Variants in ABI3BP observed in about 807,000 individuals in gnomAD.
ABI3BP encodes ABI family member 3 binding protein, also known as target of Nesh-SH3.
A neutral mutation model predicts 268.6 loss-of-function variants in ABI3BP; 216 were observed. The observed-to-expected ratio is 0.80, with a 90% CI of 0.72 to 0.90. The LOEUF (loss-of-function observed/expected upper bound fraction) is 0.90, where lower values mean the gene tolerates loss of function less well. ABI3BP is among the 40% of genes least tolerant of loss of function. The pLI is 0.00. For missense variants in ABI3BP, 2,090 were observed against 2,182.4 expected (o/e 0.96, Z 0.84); for synonymous variants, 730 against 730.0 (o/e 1.00, Z 0.00).
In ABI3BP at chr3:100,862,284, A is replaced by AT. The variant is rs112141221; in HGVS notation, c.1285+26dup. 23,619 of 1,506,526 alleles carry AT rather than the reference A, an allele frequency of 0.016. 1,840 individuals are homozygous for AT. The African/African-American group carries it at 0.17, about 11-fold the overall frequency. 93.3% of individuals were successfully genotyped at this position (1,506,526 alleles called of 1,614,324 possible). ...TACTCAATATTCCTTGTTATAATCG[A>AT]TTTTTTTAAGAAAAGGATTTAATTA... On this transcript the variant is annotated intron_variant, in intron 14 of 67. Transcript: ENST00000471714.
chr3:100,897,743 C>T (rs947937186), intron 4 of ABI3BP, among the ~76,000 whole-genome samples: 1 of 152,104 alleles, frequency 6.6e-6, no homozygotes, highest in Non-Finnish European at 1.5e-5. Flanking sequence ...TCAAACTGTA[C>T]ACTAATATTT....
At chr3:100,911,804 T>A (rs2056604969) in intron 2 of ABI3BP, 22 of 1,455,154 alleles carry the variant, frequency 1.5e-5, no homozygotes, top group Non-Finnish European at 2.0e-5. Flanking sequence ...GAAAAATAAG[T>A]TCTTGGTTTG....
intron 63 of ABI3BP, among the ~76,000 whole-genome samples, chr3:100,755,320 C>G (rs2095558971): frequency 6.6e-6 from 1 of 152,184 alleles, no homozygotes. Context: ...TATAGTTAGT[C>G]TGTTTAACTG....
intron 1 of ABI3BP, among the ~76,000 whole-genome samples, chr3:100,955,713 C>T (rs1393442138): frequency 1.3e-5 from 2 of 152,104 alleles, no homozygotes; most frequent in Non-Finnish European, 2.9e-5. Context: ...CTCTTAAAAT[C>T]ATTATAAAAA....
intron 33 of ABI3BP, 67 bp from the exon 34 acceptor site, chr3:100,828,519 C>T (rs561346759): frequency 7.2e-7 from 1 of 1,393,424 alleles, no homozygotes; most frequent in Non-Finnish European, 9.8e-7. Context: ...TCAGAACATT[C>T]AAAAAGAATT....
chr3:100,818,640 TA>T (rs2098123541), intron 40 of ABI3BP, 59 bp from the exon 41 acceptor site: 9 of 1,299,830 alleles, frequency 6.9e-6, no homozygotes, highest in Middle Eastern at 1.8e-4. Context: ...CTTTCCATTA[TA>T]ATACTGCTTC....
chr3:100,808,270 C>T, intron 49 of ABI3BP, 35 bp from the exon 50 acceptor site: 2 of 1,530,306 alleles, frequency 1.3e-6, no homozygotes, highest in Non-Finnish European at 1.8e-6. Context: ...AAATCTTGAG[C>T]CCTTCAAGAA....
At chr3:100,886,378 A>G in intron 4 of ABI3BP, 55 bp from the exon 5 acceptor site, 1 of 1,255,670 alleles carries the variant, frequency 8.0e-7, no homozygotes, top group East Asian at 2.9e-5. Context: ...TCAGAATGTT[A>G]TTTCAAATTT....
intron 13 of ABI3BP, 22 bp downstream of exon 13, chr3:100,862,816 A>T: frequency 6.7e-7 from 1 of 1,498,460 alleles, no homozygotes; most frequent in Non-Finnish European, 9.0e-7. Flanking sequence ...CCTTAATATT[A>T]AATTTAAGGT....
chr3:100,793,085 C>G (rs922645611), intron 54 of ABI3BP, among the ~76,000 whole-genome samples: 1 of 151,700 alleles, frequency 6.6e-6, no homozygotes, highest in Non-Finnish European at 1.5e-5. Flanking sequence ...CTAGTTGCCT[C>G]GATGTATTTA....
chr3:100,835,614 T>G lies in ABI3BP; in HGVS notation c.2178A>C (p.Thr726=). 6.5e-7 allele frequency: 1 copy of G among 1,535,230 alleles called. No individual in the cohort carries two copies. Among genetic ancestry groups the G allele is most frequent in the Non-Finnish European group, 8.7e-7 (1 of 1,146,250 alleles). ...AGAGGTCATTACCTAATGTTGTCAC[T>G]GTAGCCTCAGTTCTCACAGTTACAG... ...IEPVTVRTEA[T]VTTLAPKTSQ... Residue 726 remains threonine, a synonymous_variant, in exon 28 of 68, where the codon ACA becomes ACC. Transcript: ENST00000471714.
chr3:100,897,291 C>T (rs1219951243), intron 4 of ABI3BP, among the ~76,000 whole-genome samples: 7 of 152,036 alleles, frequency 4.6e-5, no homozygotes, highest in South Asian at 2.1e-4. Context: ...ATCAAATATA[C>T]GTAATATACA....
At chr3:100,838,869 G>A (rs1221259651) in intron 24 of ABI3BP, among the ~76,000 whole-genome samples, 1 of 152,170 alleles carries the variant, frequency 6.6e-6, no homozygotes, top group Non-Finnish European at 1.5e-5. Flanking sequence ...AATTACACAT[G>A]AGAAATAATG....
At chr3:100,901,404 T>C (rs2050229883) in intron 3 of ABI3BP, among the ~76,000 whole-genome samples, 1 of 151,958 alleles carries the variant, frequency 6.6e-6, no homozygotes, top group Admixed American at 6.6e-5. Flanking sequence ...TATCGTGTGG[T>C]ATCCAGTGTA....
chr3:100,816,513 G>A, intron 43 of ABI3BP, 175 bp downstream of exon 43: 1 of 695,528 alleles, frequency 1.4e-6, no homozygotes, highest in Non-Finnish European at 2.6e-6. Flanking sequence ...TCCAAGCCAT[G>A]TTCTCCTGGA....
Position 100,833,272 on chromosome 3 carries a change from C to G in ABI3BP, c.2282-115G>C, listed in dbSNP as rs2098522660. 1.1e-5 allele frequency: 10 copies of G among 920,362 alleles called. 1 individual carries two copies. In the South Asian group the frequency reaches 1.7e-4, roughly 16 times the overall value. 57.0% of individuals were successfully genotyped at this position (920,362 alleles called of 1,614,324 possible). ...TACCATTATAGCGTTGGTTCTATAG[C>G]CACAAAGCAAACATTTTGAAGTTCT... is the stretch of plus-strand genomic sequence containing the variant. On this transcript the variant is annotated intron_variant, in intron 29 of 67. Transcript: ENST00000471714.
At chr3:100,850,226 T>A in intron 16 of ABI3BP, 107 bp from the exon 17 acceptor site, 1 of 915,854 alleles carries the variant, frequency 1.1e-6, no homozygotes, top group Non-Finnish European at 1.7e-6. Flanking sequence ...CACGAGTACA[T>A]GATTAAAGAT....
In ABI3BP at chr3:100,911,778, C is replaced by G. The variant is rs138378943; in HGVS notation, c.260-9092G>C. The G allele has an allele frequency of 6.9e-4, 767 of 1,117,700 alleles. 3 individuals are homozygous for G. Among genetic ancestry groups the G allele is most frequent in the Non-Finnish European group, 9.7e-4 (707 of 728,130 alleles). 69.2% of individuals were successfully genotyped at this position (1,117,700 alleles called of 1,614,324 possible). On this transcript the variant is annotated intron_variant, in intron 2 of 67. Coordinates refer to ENST00000471714, the MANE Select transcript of ABI3BP (RefSeq NM_001375547.2). The stretch of plus-strand genomic sequence containing the variant: ...AGTAGCGTAGCTTTCTGTTATTATA[C>G]TTGGTGTTAATAGCAGAAAAATAAG...
At chr3:100,902,729 C>A in intron 2 of ABI3BP, 43 bp from the exon 3 acceptor site, 2 of 1,558,534 alleles carry the variant, frequency 1.3e-6, no homozygotes, top group Non-Finnish European at 1.8e-6. Context: ...CCTTTGAGAA[C>A]CAGCATTGGA....
Sources: gnomAD v4.1 joint callset for allele counts (sites outside exome capture counted in the v4.1 genomes callset) on GRCh38, gnomAD v4.1.1 for gene constraint, MANE v1.5 for transcripts, NCBI Gene and HGNC (gene_info 2026-07-23, HGNC 2026-07-21) for gene names.